The following HIVEP3 variants were observed in gnomAD, a reference collection of about 807,000 sequenced individuals.
HIVEP3 encodes transcription factor HIVEP3.
HIVEP3 carries 49 observed loss-of-function variants against 152.8 expected under a neutral mutation model. The ratio of observed to expected loss-of-function variants is 0.32; its 90% CI spans 0.26 to 0.41. HIVEP3 has a LOEUF of 0.41. HIVEP3 is among the 10% of genes least tolerant of loss of function. HIVEP3 has a pLI of 1.00. For missense variants in HIVEP3, 2,790 were observed against 3,103.3 expected (o/e 0.90, Z 2.40); for synonymous variants, 1,269 against 1,289.0 (o/e 0.98, Z 0.33).
At chr1:41,904,779 G>A (rs1388817341) in intron 1 of HIVEP3, among the ~76,000 whole-genome samples, 1 of 152,212 alleles carries the variant, frequency 6.6e-6, no homozygotes, top group Non-Finnish European at 1.5e-5. Flanking sequence ...CCAGACCCAG[G>A]AAGTGCTTCT....
At chr1:41,595,171 A>G (rs2149119247) in intron 3 of HIVEP3, among the ~76,000 whole-genome samples, 1 of 152,308 alleles carries the variant, frequency 6.6e-6, no homozygotes, top group South Asian at 2.1e-4. Context: ...AAGCTGATGA[A>G]ATTCCTCCAA....
chr1:42,029,023 T>G (rs1242581836), intron 1 of HIVEP3, among the ~76,000 whole-genome samples: 1 of 152,198 alleles, frequency 6.6e-6, no homozygotes, highest in Non-Finnish European at 1.5e-5. Context: ...AAATGACAAC[T>G]AATCTAATTT....
intron 1 of HIVEP3, among the ~76,000 whole-genome samples, chr1:41,828,960 T>C (rs1017700696): frequency 6.6e-6 from 1 of 152,248 alleles, no homozygotes; most frequent in Non-Finnish European, 1.5e-5. Context: ...TCTGTAATTC[T>C]GGCCAACATT....
At chr1:41,625,781 TAA>T (rs1645109213) in intron 3 of HIVEP3, among the ~76,000 whole-genome samples, 1 of 152,172 alleles carries the variant, frequency 6.6e-6, no homozygotes, top group South Asian at 2.1e-4. Context: ...TAAATTAGAC[TAA>T]GTCTAAATGG....
At chr1:41,631,038 T>A (rs904449321) in intron 2 of HIVEP3, among the ~76,000 whole-genome samples, 2 of 152,224 alleles carry the variant, frequency 1.3e-5, no homozygotes, top group African/African-American at 4.8e-5. Flanking sequence ...TTTTAATAAC[T>A]GACTTGCCAG....
chr1:41,990,419 G>T (rs1235434714), intron 1 of HIVEP3, among the ~76,000 whole-genome samples: 1 of 151,224 alleles, frequency 6.6e-6, no homozygotes, highest in African/African-American at 2.4e-5. Flanking sequence ...ATTACATAAT[G>T]GTAAAGGGAT....
rs549206759 is a variant in HIVEP3 at position 41,779,128 on chromosome 1, A to T, written c.-800-78133T>A. Among the ~76,000 whole-genome samples, 253 of 152,220 alleles carry T rather than the reference A, an allele frequency of 1.7e-3. 1 individual carries two copies. Among genetic ancestry groups the T allele is most frequent in the Middle Eastern group, 6.8e-3 (2 of 294 alleles). ...TGCCCTCCAACCCAAGATGGTGCCCACCTGCCTGGATCACTTGCCTTCCTC... is the reference window on the plus strand; with the variant it reads ...TGCCCTCCAACCCAAGATGGTGCCCTCCTGCCTGGATCACTTGCCTTCCTC... On this transcript the variant is annotated intron_variant, in intron 1 of 8. Coordinates refer to ENST00000372583, the MANE Select transcript of HIVEP3 (RefSeq NM_024503.5).
chr1:41,648,335 A>G (rs1161110731), intron 2 of HIVEP3, among the ~76,000 whole-genome samples: 1 of 148,992 alleles, frequency 6.7e-6, no homozygotes, highest in Non-Finnish European at 1.5e-5. Context: ...GCATCGGCAC[A>G]TTTCATCCCT....
chr1:41,964,420 T>C (rs1383207987), intron 1 of HIVEP3, among the ~76,000 whole-genome samples: 1 of 152,046 alleles, frequency 6.6e-6, no homozygotes, highest in Admixed American at 6.5e-5. Flanking sequence ...GATCAGGAGA[T>C]CCCCTCATGA....
intron 1 of HIVEP3, among the ~76,000 whole-genome samples, chr1:41,762,001 T>C (rs1647717593): frequency 6.6e-6 from 1 of 152,220 alleles, no homozygotes; most frequent in Non-Finnish European, 1.5e-5. Flanking sequence ...TTTCCTCTGA[T>C]TGATCCCCAC....
intron 1 of HIVEP3, among the ~76,000 whole-genome samples, chr1:41,886,081 A>G (rs1204682502): frequency 6.6e-6 from 1 of 152,148 alleles, no homozygotes; most frequent in East Asian, 1.9e-4. Flanking sequence ...TGCAGTAGTA[A>G]GATATTTTAA....
At chr1:42,032,385 G>A (rs1368400772) in intron 1 of HIVEP3, among the ~76,000 whole-genome samples, 1 of 152,194 alleles carries the variant, frequency 6.6e-6, no homozygotes, top group Non-Finnish European at 1.5e-5. Context: ...GCAACGGGAC[G>A]TTAAATGAGC....
intron 2 of HIVEP3, among the ~76,000 whole-genome samples, chr1:41,649,424 A>C (rs1000605789): frequency 1.3e-5 from 2 of 152,260 alleles, no homozygotes; most frequent in Non-Finnish European, 2.9e-5. Context: ...GTTAGTCAAC[A>C]GGCCACACTG....
At chr1:41,535,524 T>C (rs1471561690) in intron 5 of HIVEP3, 1 of 152,260 alleles carries the variant, frequency 6.6e-6, no homozygotes, top group East Asian at 1.9e-4. Context: ...CCACTGCTGG[T>C]GGGTCTGGCA....
In HIVEP3 at chr1:41,556,880, G is replaced by A. The variant is rs188416041; in HGVS notation, c.5207+18664C>T. On this transcript the variant is annotated intron_variant, in intron 5 of 8. Coordinates refer to ENST00000372583, the MANE Select transcript of HIVEP3 (RefSeq NM_024503.5). The stretch of plus-strand genomic sequence containing the variant: ...ATATTCTGCTTTTGCATCATTCCTT[G>A]GAAAGACTTTCTTTCCCCATTGAAT... Among the ~76,000 whole-genome samples, 173 of 152,282 alleles carry A rather than the reference G, an allele frequency of 1.1e-3. 1 individual carries two copies. Among genetic ancestry groups the A allele is most frequent in the African/African-American group, 3.7e-3 (153 of 41,548 alleles).
At chr1:41,912,561 G>A (rs888361446) in intron 1 of HIVEP3, among the ~76,000 whole-genome samples, 2 of 152,112 alleles carry the variant, frequency 1.3e-5, no homozygotes, top group Non-Finnish European at 2.9e-5. Flanking sequence ...TTTCCAGTGA[G>A]GTACAGCAAG....
chr1:42,001,074 T>C (rs1391920503), intron 1 of HIVEP3, among the ~76,000 whole-genome samples: 1 of 152,154 alleles, frequency 6.6e-6, no homozygotes, highest in African/African-American at 2.4e-5. Flanking sequence ...ATTTAAGATT[T>C]GAATCCAGGT....
intron 1 of HIVEP3, among the ~76,000 whole-genome samples, chr1:42,011,758 G>A (rs770040662): frequency 1.1e-4 from 17 of 152,086 alleles, no homozygotes; most frequent in Non-Finnish European, 1.8e-4. Context: ...AGCTCCTTTC[G>A]GTTCACTGAC....
At chr1:41,827,925 C>T (rs1054738138) in intron 1 of HIVEP3, among the ~76,000 whole-genome samples, 7 of 151,784 alleles carry the variant, frequency 4.6e-5, no homozygotes, top group African/African-American at 1.5e-4. Flanking sequence ...GGACAGGAGG[C>T]AGGGAAGGGA....
Sources: allele counts gnomAD v4.1 joint callset (sites outside exome capture counted in the v4.1 genomes callset), GRCh38; gene constraint gnomAD v4.1.1; transcripts MANE v1.5; gene names NCBI Gene and HGNC (gene_info 2026-07-23, HGNC 2026-07-21).